Variants in SLC35D2 observed in about 807,000 individuals in gnomAD.
SLC35D2 encodes the protein nucleotide sugar transporter SLC35D2.
A neutral mutation model predicts 41.8 loss-of-function variants in SLC35D2; 43 were observed. The ratio of observed to expected loss-of-function variants is 1.03; its 90% CI spans 0.81 to 1.33. The LOEUF (loss-of-function observed/expected upper bound fraction) is 1.33. SLC35D2 is among the 40% of genes most tolerant of loss of function. The probability of loss-of-function intolerance (pLI) is 0.00; values close to 1 mark genes in which losing one functional copy is unlikely to be tolerated. For missense variants in SLC35D2, 380 were observed against 408.4 expected (o/e 0.93, Z 0.60); for synonymous variants, 150 against 163.9 (o/e 0.92, Z 0.65).
intron 3 of SLC35D2, among the ~76,000 whole-genome samples, chr9:96,362,874 T>TG (rs200231467): frequency 5.3e-5 from 8 of 151,050 alleles, no homozygotes; most frequent in Admixed American, 2.0e-4. Flanking sequence ...TGTTTTGTTT[T>TG]TTTTTTTTTT....
chr9:96,346,662 T>G (rs1330216777), intron 6 of SLC35D2, among the ~76,000 whole-genome samples: 7 of 152,152 alleles, frequency 4.6e-5, no homozygotes, highest in Non-Finnish European at 7.3e-5. Flanking sequence ...TAAGATTATT[T>G]CTAACCAAAG....
At chr9:96,337,703 C>T (rs62555946) in intron 8 of SLC35D2, among the ~76,000 whole-genome samples, 12,658 of 151,452 alleles carry the variant, frequency 0.084, 736 homozygotes, top group Non-Finnish European at 0.13. Context: ...CATTTTTGGC[C>T]GGGCGCAGTG....
At chr9:96,351,230 G>A in intron 5 of SLC35D2, 59 bp from the exon 6 acceptor site, 2 of 1,212,514 alleles carry the variant, frequency 1.6e-6, no homozygotes, top group Admixed American at 1.8e-5. Flanking sequence ...ATTGAAATAT[G>A]ATTATATTTT....
At chr9:96,339,821 G>A (rs1564097250) in intron 8 of SLC35D2, among the ~76,000 whole-genome samples, 1 of 152,132 alleles carries the variant, frequency 6.6e-6, no homozygotes, top group Non-Finnish European at 1.5e-5. Flanking sequence ...AGATAGAATT[G>A]AGGCACTGTT....
At chr9:96,325,838 T>C (rs1040942915) in intron 9 of SLC35D2, among the ~76,000 whole-genome samples, 11 of 152,198 alleles carry the variant, frequency 7.2e-5, no homozygotes, top group Admixed American at 6.5e-5. Context: ...CACTCGGTCT[T>C]GGTCCTAGGC....
chr9:96,338,814 A>C (rs1012676308), intron 8 of SLC35D2, among the ~76,000 whole-genome samples: 1 of 152,198 alleles, frequency 6.6e-6, no homozygotes, highest in African/African-American at 2.4e-5. Flanking sequence ...GTTTATGCTT[A>C]AGGTAGTCAA....
At chr9:96,327,411 G>A (rs1157013864) in intron 9 of SLC35D2, among the ~76,000 whole-genome samples, 1 of 151,812 alleles carries the variant, frequency 6.6e-6, no homozygotes, top group African/African-American at 2.4e-5. Context: ...ACCTCAGCCT[G>A]CATTCAGAAT....
chr9:96,329,350 C>T (rs899557786), intron 9 of SLC35D2, among the ~76,000 whole-genome samples: 7 of 151,948 alleles, frequency 4.6e-5, no homozygotes, highest in African/African-American at 1.5e-4. Flanking sequence ...CCTGCCTCAC[C>T]CTCCTGAGTA....
Position 96,364,338 on chromosome 9 carries a change from C to CA in SLC35D2, c.279+125dup, listed in dbSNP as rs1204243599. ...CGACAGAGCGACAGTCCATCTCAAA[C>CA]AAAAAAAGAAGTTTCTATCCAGTGC... On this transcript the variant is annotated intron_variant, in intron 3 of 11. Transcript: ENST00000253270. 1.3e-5 allele frequency: 8 copies of CA among 629,730 alleles called. No homozygotes were observed. In the Admixed American group the frequency reaches 2.1e-4, roughly 16 times the overall value. 39.0% of individuals were successfully genotyped at this position (629,730 alleles called of 1,614,324 possible). A position where few individuals can be genotyped will look rare whatever the true frequency, so the allele number is the denominator to read the frequency against.
At chr9:96,360,371 C>T (rs970215979) in intron 3 of SLC35D2, 150 bp from the exon 4 acceptor site, 9 of 655,344 alleles carry the variant, frequency 1.4e-5, no homozygotes, top group East Asian at 5.7e-5. Flanking sequence ...TGGCTCACGC[C>T]TGTAATCCCA....
At chr9:96,364,272 T>C (rs1026397440) in intron 3 of SLC35D2, among the ~76,000 whole-genome samples, 192 bp downstream of exon 3, 8 of 152,066 alleles carry the variant, frequency 5.3e-5, no homozygotes, top group African/African-American at 1.9e-4. Context: ...GAGGCGGAGA[T>C]TGCAGTGAGC....
chr9:96,334,210 G>A (rs1284004465), intron 9 of SLC35D2, among the ~76,000 whole-genome samples: 1 of 152,136 alleles, frequency 6.6e-6, no homozygotes, highest in Non-Finnish European at 1.5e-5. Context: ...AGGGGATACT[G>A]AGCCCAGACT....
At chr9:96,370,796 T>C (rs929614909) in intron 1 of SLC35D2, among the ~76,000 whole-genome samples, 13 of 152,178 alleles carry the variant, frequency 8.5e-5, no homozygotes, top group African/African-American at 3.1e-4. Flanking sequence ...CTTCAGGCCA[T>C]AGAACACCTC....
At chr9:96,352,308 C>T (rs963662499) in intron 4 of SLC35D2, among the ~76,000 whole-genome samples, 199 bp from the exon 5 acceptor site, 2 of 151,874 alleles carry the variant, frequency 1.3e-5, no homozygotes, top group African/African-American at 4.8e-5. Context: ...AATTTATTTA[C>T]TTATTTTTTA....
intron 1 of SLC35D2, among the ~76,000 whole-genome samples, chr9:96,383,244 G>A (rs551449451): frequency 2.2e-4 from 33 of 152,308 alleles, no homozygotes; most frequent in African/African-American, 7.7e-4. Context: ...AGGACAGGGC[G>A]CCTCGCAGCA....
intron 1 of SLC35D2, among the ~76,000 whole-genome samples, 196 bp downstream of exon 1, chr9:96,383,281 A>T (rs555881356): frequency 6.6e-6 from 1 of 152,202 alleles, no homozygotes; most frequent in Non-Finnish European, 1.5e-5. Flanking sequence ...GAAGAGAACG[A>T]CTTTCTCAGG....
intron 6 of SLC35D2, among the ~76,000 whole-genome samples, chr9:96,347,307 G>C (rs1034844796): frequency 6.6e-6 from 1 of 152,118 alleles, no homozygotes; most frequent in South Asian, 2.1e-4. Context: ...TCCTACTCAG[G>C]GGACCAAGAG....
chr9:96,366,819 T>C (rs536670257), intron 2 of SLC35D2, among the ~76,000 whole-genome samples: 13 of 151,856 alleles, frequency 8.6e-5, no homozygotes, highest in Middle Eastern at 6.8e-3. Context: ...TATTTTTACA[T>C]TGAAATATAA....
At chr9:96,339,394 C>T (rs1052847198) in intron 8 of SLC35D2, among the ~76,000 whole-genome samples, 3 of 152,172 alleles carry the variant, frequency 2.0e-5, no homozygotes, top group Non-Finnish European at 4.4e-5. Context: ...CTGGCGTGAG[C>T]CATCGTGACC....
Sources: gnomAD v4.1 joint callset for allele counts (sites outside exome capture counted in the v4.1 genomes callset) on GRCh38, gnomAD v4.1.1 for gene constraint, MANE v1.5 for transcripts, NCBI Gene and HGNC (gene_info 2026-07-23, HGNC 2026-07-21) for gene names.